Variants in ASAP2 observed in about 807,000 individuals in gnomAD.
ASAP2 encodes the protein arf-GAP with SH3 domain, ANK repeat and PH domain-containing protein 2.
A neutral mutation model predicts 131.4 loss-of-function variants in ASAP2; 45 were observed. The observed-to-expected ratio is 0.34, with a 90% CI of 0.27 to 0.44. The LOEUF is 0.44. Among genes scored for constraint, ASAP2 ranks in the 20% least tolerant of loss-of-function variants. The probability of loss-of-function intolerance (pLI) is 1.00; values close to 1 mark genes in which losing one functional copy is unlikely to be tolerated. For synonymous variants in ASAP2, 510 were observed against 503.0 expected (o/e 1.01, Z -0.19); for missense variants, 1,011 against 1,297.0 (o/e 0.78, Z 3.39).
At chr2:9,314,023 AC>A (rs1295751532) in intron 3 of ASAP2, among the ~76,000 whole-genome samples, 2 of 152,124 alleles carry the variant, frequency 1.3e-5, no homozygotes, top group Non-Finnish European at 2.9e-5. Context: ...TCGCTCTGTT[AC>A]CTAGGCTGGA....
intron 7 of ASAP2, among the ~76,000 whole-genome samples, chr2:9,333,570 C>T (rs1261052677): frequency 6.6e-6 from 1 of 152,058 alleles, no homozygotes; most frequent in Non-Finnish European, 1.5e-5. Context: ...AGAGAAGAAA[C>T]AGAATGCAGA....
At chr2:9,331,150 T>C (rs4669382) in intron 7 of ASAP2, among the ~76,000 whole-genome samples, 151,189 of 152,372 alleles carry the variant, frequency 0.99, 75,015 homozygotes, top group Middle Eastern at 1. Flanking sequence ...CCCTGCTGGG[T>C]ACACGCGGGC....
At chr2:9,216,369 C>T (rs900130411) in intron 1 of ASAP2, among the ~76,000 whole-genome samples, 4 of 150,212 alleles carry the variant, frequency 2.7e-5, no homozygotes, top group East Asian at 1.9e-4. Context: ...TCACCACAGC[C>T]TTGACCTCCT....
intron 3 of ASAP2, among the ~76,000 whole-genome samples, chr2:9,302,807 A>G (rs371190426): frequency 6.6e-6 from 1 of 152,146 alleles, no homozygotes; most frequent in Non-Finnish European, 1.5e-5. Context: ...GTGAGCCACC[A>G]CGCCTGGTCA....
At chr2:9,287,488 T>C (rs551314963) in intron 2 of ASAP2, among the ~76,000 whole-genome samples, 31 of 152,200 alleles carry the variant, frequency 2.0e-4, no homozygotes, top group Admixed American at 1.7e-3. Context: ...GGGCTCCTGG[T>C]TTCGGAAGGG....
At chr2:9,351,575 G>T (rs527951209) in intron 12 of ASAP2, among the ~76,000 whole-genome samples, 1 of 152,284 alleles carries the variant, frequency 6.6e-6, no homozygotes, top group East Asian at 1.9e-4. Context: ...CTTTGAAGAG[G>T]CAGTCACTAG....
chr2:9,242,783 G>A (rs1019066530), intron 1 of ASAP2, among the ~76,000 whole-genome samples: 6 of 152,040 alleles, frequency 3.9e-5, no homozygotes, highest in Admixed American at 1.3e-4. Flanking sequence ...GAAAATTGCC[G>A]TCTGGGGAAG....
intron 3 of ASAP2, among the ~76,000 whole-genome samples, chr2:9,298,636 G>A (rs1668297694): frequency 6.6e-6 from 1 of 152,188 alleles, no homozygotes; most frequent in African/African-American, 2.4e-5. Context: ...ATGCATGGTG[G>A]GGTCTCATCA....
chr2:9,213,552 C>A (rs957921824), intron 1 of ASAP2, among the ~76,000 whole-genome samples: 2 of 151,876 alleles, frequency 1.3e-5, no homozygotes, highest in Non-Finnish European at 2.9e-5. Context: ...AAGAGGGAGA[C>A]CAGTTGTGGG....
chr2:9,324,677 G>T (rs1268699712), intron 6 of ASAP2, among the ~76,000 whole-genome samples: 1 of 152,118 alleles, frequency 6.6e-6, no homozygotes, highest in Admixed American at 6.5e-5. Context: ...CCTCCCAAAG[G>T]TTCTACCACT....
At chr2:9,287,048 G>A (rs1210676074) in intron 2 of ASAP2, among the ~76,000 whole-genome samples, 1 of 152,228 alleles carries the variant, frequency 6.6e-6, no homozygotes, top group African/African-American at 2.4e-5. Flanking sequence ...GCTCACAGAG[G>A]CACTGAGTAG....
intron 7 of ASAP2, 32 bp downstream of exon 7, chr2:9,327,943 G>T: frequency 6.7e-7 from 1 of 1,501,738 alleles, no homozygotes. Context: ...TATCTTAAAT[G>T]TTTGTTCATG....
rs887458145 is a variant in ASAP2, at chr2:9,243,681, T to TTA, written c.127-35635_127-35634dup. Reference sequence around the variant, plus strand: ...AGAAGCTTGTTTTATCTTACCTAGATTAAGTTGAGGCAGAATGCATGTATA... The same window carrying TTA: ...AGAAGCTTGTTTTATCTTACCTAGATTATAAGTTGAGGCAGAATGCATGTATA... On this transcript the variant is annotated intron_variant, in intron 1 of 27. Coordinates refer to ENST00000281419, the MANE Select transcript of ASAP2 (RefSeq NM_003887.3). Among the ~76,000 whole-genome samples the TTA allele has an allele frequency of 3.2e-3, 486 of 152,266 alleles. 2 individuals carry two copies. The highest frequency in any genetic ancestry group is 0.011 in the African/African-American group (460 of 41,556).
At chr2:9,361,642 A>C (rs1337741290) in intron 15 of ASAP2, among the ~76,000 whole-genome samples, 1 of 151,486 alleles carries the variant, frequency 6.6e-6, no homozygotes, top group Admixed American at 6.6e-5. Flanking sequence ...ATCTTAGCTC[A>C]CTGCAACCTC....
At position 9,321,695 on chromosome 2, in the gene ASAP2, G is replaced by C. The variant is rs184730962; in HGVS notation, c.470+1358G>C. On this transcript the variant is annotated intron_variant, in intron 5 of 27. Coordinates refer to ENST00000281419, the MANE Select transcript of ASAP2 (RefSeq NM_003887.3). ...TGTGACTAGACCAAGGGCAGAAAGGGCTTTCTGAAGAAGAGTGCCTGAGAG... is the reference window on the plus strand; with the variant it reads ...TGTGACTAGACCAAGGGCAGAAAGGCCTTTCTGAAGAAGAGTGCCTGAGAG... 3.9e-5 allele frequency among the ~76,000 whole-genome samples: 6 copies of C among 152,262 alleles called. No homozygotes were observed. In the East Asian group the frequency reaches 1.2e-3, roughly 29 times the overall value.
At position 9,207,800 on chromosome 2, in the gene ASAP2, T is replaced by C. The variant is rs369504408; in HGVS notation, c.126+570T>C. Among the ~76,000 whole-genome samples the C allele has an allele frequency of 6.6e-6, 1 of 152,036 alleles. No individual in the cohort carries two copies. Among genetic ancestry groups the C allele is most frequent in the African/African-American group, 2.4e-5 (1 of 41,408 alleles). ...CCCGGAGAAGGAACTGCGGGCAAGG[T>C]GTGTGAGAGTCGGCGCTTCTGGGTC... is the stretch of plus-strand genomic sequence containing the variant. On this transcript the variant is annotated intron_variant, in intron 1 of 27. Coordinates refer to ENST00000281419, the MANE Select transcript of ASAP2 (RefSeq NM_003887.3). The surrounding 1 kb of genome is among the most constrained non-coding windows in gnomAD (Gnocchi z 4.1).
intron 7 of ASAP2, among the ~76,000 whole-genome samples, chr2:9,333,776 C>T (rs772090588): frequency 6.6e-6 from 1 of 152,214 alleles, no homozygotes; most frequent in South Asian, 2.1e-4. Context: ...TTACACACAG[C>T]ACCCTCCAGA....
chr2:9,306,626 TG>T (rs746303296), intron 3 of ASAP2, among the ~76,000 whole-genome samples: 5 of 151,950 alleles, frequency 3.3e-5, no homozygotes, highest in African/African-American at 4.8e-5. Flanking sequence ...GTGGAGATCC[TG>T]TGCCCCTTTG....
intron 16 of ASAP2, among the ~76,000 whole-genome samples, chr2:9,373,549 G>A (rs956199657): frequency 3.9e-5 from 6 of 152,240 alleles, no homozygotes; most frequent in Non-Finnish European, 5.9e-5. Flanking sequence ...TGTCCAGGGA[G>A]CTCAGGCTCC....
Sources: gnomAD v4.1 joint callset for allele counts (sites outside exome capture counted in the v4.1 genomes callset) on GRCh38, gnomAD v4.1.1 for gene constraint, Gnocchi (gnomAD v3.1) non-coding constraint, MANE v1.5 for transcripts, NCBI Gene and HGNC (gene_info 2026-07-23, HGNC 2026-07-21) for gene names.